Variants in SLC9A7 observed in about 807,000 individuals in gnomAD.
The protein encoded by SLC9A7 is solute carrier family 9 member A7.
SLC9A7 carries 19 observed loss-of-function variants against 52.6 expected under a neutral mutation model. The ratio of observed to expected loss-of-function variants is 0.36; its 90% CI spans 0.25 to 0.53. The LOEUF is 0.53. Ranked by LOEUF, SLC9A7 falls within the 20% of genes least tolerant of loss-of-function variation. The probability of loss-of-function intolerance (pLI) is 0.91; values close to 1 mark genes in which losing one functional copy is unlikely to be tolerated. For synonymous variants in SLC9A7, 226 were observed against 252.1 expected (o/e 0.90, Z 0.98); for missense variants, 455 against 597.9 (o/e 0.76, Z 2.49).
At chrX:46,709,664 T>C (rs1021534582) in intron 1 of SLC9A7, among the ~76,000 whole-genome samples, 1 of 111,958 alleles carries the variant, frequency 8.9e-6, no homozygotes. Flanking sequence ...CTAAAGGGGA[T>C]ATGCCAGAAA....
intron 12 of SLC9A7, 93 bp downstream of exon 12, chrX:46,643,143 A>G (rs1342278701): frequency 1.6e-5 from 14 of 853,574 alleles, no homozygotes; most frequent in Non-Finnish European, 1.9e-5. Flanking sequence ...AAAGGTTTCC[A>G]TGAACTAAAG....
chrX:46,610,740 G>T (rs1942834448), intron 16 of SLC9A7, among the ~76,000 whole-genome samples: 1 of 111,952 alleles, frequency 8.9e-6, no homozygotes. Context: ...AACTTGGAGT[G>T]GTCCCTTGAA....
chrX:46,688,705 T>C (rs1176746038), intron 1 of SLC9A7, among the ~76,000 whole-genome samples: 2 of 111,414 alleles, frequency 1.8e-5, no homozygotes, highest in African/African-American at 6.5e-5. Flanking sequence ...TATCTCATTG[T>C]AGTTTTAATG....
chrX:46,633,942 G>C, intron 13 of SLC9A7, among the ~76,000 whole-genome samples: 1 of 111,539 alleles, frequency 9.0e-6, no homozygotes, highest in Non-Finnish European at 1.9e-5. Flanking sequence ...AAAGTGCTGG[G>C]ATTACAGGCG....
In SLC9A7 at chrX:46,625,808, T is replaced by C. The variant is rs1451666938; in HGVS notation, c.1741-4749A>G. 4.5e-5 allele frequency among the ~76,000 whole-genome samples: 5 copies of C among 111,104 alleles called. No homozygotes were observed. In the Admixed American group the frequency reaches 4.8e-4, roughly 11 times the overall value. ...GGCGGGAGAGATTCAGAGCTTGACT[T>C]GCCCCACTGTTGCTGGCTTTGCAGC... On this transcript the variant is annotated intron_variant, in intron 14 of 16. Transcript: ENST00000616978.
intron 1 of SLC9A7, among the ~76,000 whole-genome samples, chrX:46,752,522 T>C (rs1922309659): frequency 9.0e-6 from 1 of 111,371 alleles, no homozygotes; most frequent in Non-Finnish European, 1.9e-5. Context: ...GATCATCCCA[T>C]ATATTGGATT....
At chrX:46,639,000 T>A (rs946707367) in intron 12 of SLC9A7, among the ~76,000 whole-genome samples, 5 of 112,554 alleles carry the variant, frequency 4.4e-5, no homozygotes, top group African/African-American at 1.3e-4. Context: ...TGTAAAAGAA[T>A]AATATACCAC....
chrX:46,685,604 C>T (rs1378916319), intron 1 of SLC9A7: 1 of 111,458 alleles, frequency 9.0e-6, no homozygotes, highest in African/African-American at 3.3e-5. Context: ...GCTGTGGCAG[C>T]AGTGGCCCCT....
At chrX:46,668,341 C>G (rs1465136521) in intron 5 of SLC9A7, among the ~76,000 whole-genome samples, 1 of 111,071 alleles carries the variant, frequency 9.0e-6, no homozygotes, top group African/African-American at 3.3e-5. Context: ...GAAACCCTGT[C>G]TCTACTAAAA....
At chrX:46,655,628 C>T (rs1213864110) in intron 7 of SLC9A7, among the ~76,000 whole-genome samples, 13 of 112,052 alleles carry the variant, frequency 1.2e-4, no homozygotes, top group Non-Finnish European at 3.8e-5. Context: ...CCTGGAAAAT[C>T]GGGTCACTCC....
chrX:46,700,525 ACT>A (rs1263255043), intron 1 of SLC9A7, among the ~76,000 whole-genome samples: 1 of 110,741 alleles, frequency 9.0e-6, no homozygotes, highest in African/African-American at 3.3e-5. Context: ...TCTGCCGGGG[ACT>A]CTCTTTCCAT....
chrX:46,639,357 C>T (rs1351449706), intron 12 of SLC9A7, among the ~76,000 whole-genome samples: 1 of 106,645 alleles, frequency 9.4e-6, no homozygotes, highest in East Asian at 2.9e-4. Flanking sequence ...TCTCAGCTCA[C>T]TGCAAGTTCT....
chrX:46,699,213 G>A (rs1040891478), intron 1 of SLC9A7, among the ~76,000 whole-genome samples: 1 of 111,732 alleles, frequency 8.9e-6, no homozygotes, highest in African/African-American at 3.3e-5. Context: ...ATAAGAGGGG[G>A]AAATGATTTT....
intron 1 of SLC9A7, among the ~76,000 whole-genome samples, chrX:46,746,610 A>C (rs991171351): frequency 8.9e-6 from 1 of 112,428 alleles, no homozygotes; most frequent in African/African-American, 3.2e-5. Flanking sequence ...ACCCCAGTTA[A>C]AACGGCTTTT....
chrX:46,606,841 A>G lies in SLC9A7; in HGVS notation c.*111T>C, dbSNP rs1602122850. On this transcript the variant is annotated 3_prime_UTR_variant, in exon 17 of 17. Transcript: ENST00000616978. ...CAATAGCTTCAGACCCCAATAAAAT[A>G]GAAGAGTTAGTTCAATCTAGTCACT... The G allele has an allele frequency of 1.7e-6, 2 of 1,161,731 alleles. No homozygotes were observed. The highest frequency in any genetic ancestry group is 1.1e-6 in the Non-Finnish European group (1 of 870,257).
At chrX:46,665,390 A>G (rs1943899460) in intron 5 of SLC9A7, among the ~76,000 whole-genome samples, 1 of 110,069 alleles carries the variant, frequency 9.1e-6, no homozygotes, top group African/African-American at 3.3e-5. Flanking sequence ...AGCACTTGTG[A>G]GCACTCAGTA....
intron 1 of SLC9A7, among the ~76,000 whole-genome samples, chrX:46,704,827 C>T (rs1944580988): frequency 9.0e-6 from 1 of 111,022 alleles, no homozygotes; most frequent in African/African-American, 3.3e-5. Flanking sequence ...AGTATCTTCC[C>T]TCTTGAGACA....
intron 12 of SLC9A7, among the ~76,000 whole-genome samples, chrX:46,639,475 G>T (rs1420572663): frequency 9.1e-6 from 1 of 109,415 alleles, no homozygotes; most frequent in Non-Finnish European, 1.9e-5. Flanking sequence ...TAGAGACAGG[G>T]TTTCACCATG....
Position 46,653,901 on chromosome X carries a change from A to T in SLC9A7, c.1042-187T>A, listed in dbSNP as rs755102216. Among the ~76,000 whole-genome samples, 647 of 109,945 alleles carry T rather than the reference A, an allele frequency of 5.9e-3. 2 individuals are homozygous for T. The highest frequency in any genetic ancestry group is 9.4e-3 in the Non-Finnish European group (497 of 52,674). Reference sequence around the variant, plus strand: ...CAAATTAAGCTTTCCAGTGGAACACAAGTTTTGTAGGGGCTGGAGAGAGGA... The same window carrying T: ...CAAATTAAGCTTTCCAGTGGAACACTAGTTTTGTAGGGGCTGGAGAGAGGA... On this transcript the variant is annotated intron_variant, in intron 7 of 16. Transcript: ENST00000616978.
Sources: allele counts gnomAD v4.1 joint callset (sites outside exome capture counted in the v4.1 genomes callset), GRCh38; gene constraint gnomAD v4.1.1; transcripts MANE v1.5; gene names NCBI Gene and HGNC (gene_info 2026-07-23, HGNC 2026-07-21).